Variants in NELL2 observed in about 807,000 individuals in gnomAD.
NELL2 encodes the protein protein kinase C-binding protein NELL2.
A neutral mutation model predicts 109.6 loss-of-function variants in NELL2; 41 were observed. The observed-to-expected ratio is 0.37, with a 90% CI of 0.29 to 0.49. The LOEUF (loss-of-function observed/expected upper bound fraction) is 0.49. Among genes scored for constraint, NELL2 ranks in the 20% least tolerant of loss-of-function variants. The probability of loss-of-function intolerance (pLI) is 0.98; values close to 1 mark genes in which losing one functional copy is unlikely to be tolerated. For synonymous variants in NELL2, 355 were observed against 344.7 expected (o/e 1.03, Z -0.33); for missense variants, 900 against 1,008.3 (o/e 0.89, Z 1.45).
chr12:44,913,542 G>C (rs1945801819), intron 1 of NELL2, among the ~76,000 whole-genome samples: 1 of 152,082 alleles, frequency 6.6e-6, no homozygotes, highest in Non-Finnish European at 1.5e-5. Context: ...TAAAATAGTT[G>C]CCAGAGATAA....
intron 3 of NELL2, among the ~76,000 whole-genome samples, chr12:44,783,573 C>T (rs554800271): frequency 7.9e-5 from 12 of 151,384 alleles, no homozygotes; most frequent in Non-Finnish European, 1.6e-4. Flanking sequence ...AAACTCTAGA[C>T]AAAAAGTTTG....
At chr12:44,522,284 T>G in intron 17 of NELL2, 108 bp from the exon 18 acceptor site, 1 of 852,620 alleles carries the variant, frequency 1.2e-6, no homozygotes, top group South Asian at 2.2e-5. Flanking sequence ...GTTGAAATAA[T>G]TCACACTGCT....
chr12:44,515,160 T>C (rs540206477), intron 19 of NELL2, among the ~76,000 whole-genome samples: 1 of 151,708 alleles, frequency 6.6e-6, no homozygotes, highest in Non-Finnish European at 1.5e-5. Context: ...TTACATTAAA[T>C]GTAAATAAAC....
At chr12:44,718,238 G>A (rs779319632) in intron 9 of NELL2, among the ~76,000 whole-genome samples, 3 of 152,100 alleles carry the variant, frequency 2.0e-5, no homozygotes, top group Non-Finnish European at 4.4e-5. Flanking sequence ...TAACCAAGGC[G>A]AACCCATGCA....
chr12:44,725,099 C>G (rs960411768), intron 9 of NELL2, among the ~76,000 whole-genome samples: 9 of 152,078 alleles, frequency 5.9e-5, no homozygotes, highest in African/African-American at 1.4e-4. Flanking sequence ...CTTCCTTACA[C>G]CATGTACAAA....
intron 3 of NELL2, among the ~76,000 whole-genome samples, chr12:44,814,248 G>A (rs1290710237): frequency 6.6e-6 from 1 of 152,224 alleles, no homozygotes; most frequent in Non-Finnish European, 1.5e-5. Context: ...TCATCTGGAA[G>A]AAGGCTGGGT....
intron 1 of NELL2, among the ~76,000 whole-genome samples, chr12:44,895,116 T>C (rs2658984): frequency 0.024 from 3,697 of 152,248 alleles, 164 homozygotes; most frequent in African/African-American, 0.084. Context: ...GAAGTAGAGA[T>C]TCTAGAGAGA....
chr12:44,747,678 G>A (rs1434993992), intron 9 of NELL2, among the ~76,000 whole-genome samples: 1 of 151,928 alleles, frequency 6.6e-6, no homozygotes, highest in Non-Finnish European at 1.5e-5. Flanking sequence ...TATCATAAAG[G>A]TCTCCCCTGT....
intron 13 of NELL2, among the ~76,000 whole-genome samples, chr12:44,643,269 A>G (rs1242343215): frequency 1.3e-5 from 2 of 152,158 alleles, no homozygotes; most frequent in African/African-American, 4.8e-5. Context: ...ACCATATCTG[A>G]CTGGCAGAAA....
chr12:44,754,034 C>G (rs557244458), intron 9 of NELL2, among the ~76,000 whole-genome samples: 25 of 152,114 alleles, frequency 1.6e-4, no homozygotes, highest in Non-Finnish European at 2.9e-4. Flanking sequence ...AGCAAAGATA[C>G]ATCCCAAATG....
intron 13 of NELL2, among the ~76,000 whole-genome samples, chr12:44,619,637 A>AGAGGAGGAGAAGGAGGAG (rs1347184617): frequency 8.1e-4 from 124 of 152,172 alleles, no homozygotes; most frequent in African/African-American, 2.9e-3. Flanking sequence ...AGGCGGCGGA[A>AGAGGAGGAGAAGGAGGAG]GAGGAGGAGA....
At chr12:44,728,040 A>G (rs1348126543) in intron 9 of NELL2, among the ~76,000 whole-genome samples, 1 of 152,010 alleles carries the variant, frequency 6.6e-6, no homozygotes, top group Non-Finnish European at 1.5e-5. Context: ...ACACACACAC[A>G]CAAAATTATT....
intron 1 of NELL2, among the ~76,000 whole-genome samples, chr12:44,905,455 C>A (rs1945709095): frequency 6.6e-6 from 1 of 151,954 alleles, no homozygotes; most frequent in African/African-American, 2.4e-5. Context: ...ACTCTAATTT[C>A]TAAATATATT....
upstream of NELL2, among the ~76,000 whole-genome samples, chr12:44,914,786 T>TATA (rs1945814408): frequency 5.3e-5 from 8 of 152,122 alleles, no homozygotes; most frequent in South Asian, 1.7e-3. Flanking sequence ...CGGCTAGAGA[T>TATA]ATAATTGTAT....
Position 44,876,083 on chromosome 12 carries a change from A to C in NELL2, c.-214T>G. The C allele has an allele frequency of 2.2e-6, 3 of 1,377,664 alleles. No homozygotes were observed. Among genetic ancestry groups the C allele is most frequent in the Non-Finnish European group, 1.9e-6 (2 of 1,067,324 alleles). The allele number at this position is 1,377,664 out of a possible 1,614,324, so 85.3% of individuals were successfully genotyped here. A position where few individuals can be genotyped will look rare whatever the true frequency, so the allele number is the denominator to read the frequency against. ...ACTTAGACCCTCCAATGCGCACATC[A>C]TTCCCACACGCAGGGCCGAGGCGGC... On this transcript the variant is annotated 5_prime_UTR_variant, in exon 1 of 20. It removes an upstream start codon present in the reference 5' UTR. Transcript: ENST00000429094.
intron 15 of NELL2, among the ~76,000 whole-genome samples, chr12:44,550,701 T>G (rs1346080822): frequency 1.3e-5 from 2 of 152,004 alleles, no homozygotes; most frequent in East Asian, 3.8e-4. Flanking sequence ...GGAAGAAAAT[T>G]CTGTTATTTG....
intron 2 of NELL2, among the ~76,000 whole-genome samples, chr12:44,859,132 G>A (rs931001816): frequency 2.0e-5 from 3 of 152,036 alleles, no homozygotes; most frequent in African/African-American, 7.2e-5. Flanking sequence ...TAAAATTTTG[G>A]TTCCTATTTT....
chr12:44,854,680 ATGGGTGGATGGATGGG>A (rs1173857449), intron 2 of NELL2, among the ~76,000 whole-genome samples: 12,874 of 145,212 alleles, frequency 0.089, 701 homozygotes, highest in East Asian at 0.21. Context: ...GGATGGATGG[ATGGGTGGATGGATGGG>A]TGGATGGATG....
At chr12:44,749,853 A>C (rs919365884) in intron 9 of NELL2, among the ~76,000 whole-genome samples, 1 of 152,296 alleles carries the variant, frequency 6.6e-6, no homozygotes, top group South Asian at 2.1e-4. Context: ...TATCTTGTGC[A>C]CTACGTAAAA....
Sources: gnomAD v4.1 joint callset for allele counts (sites outside exome capture counted in the v4.1 genomes callset) on GRCh38, gnomAD v4.1.1 for gene constraint, MANE v1.5 for transcripts, NCBI Gene and HGNC (gene_info 2026-07-23, HGNC 2026-07-21) for gene names.